Variants in TRIOBP observed in about 807,000 individuals in gnomAD.
TRIOBP encodes the protein TRIO and F-actin-binding protein.
A neutral mutation model predicts 238.8 loss-of-function variants in TRIOBP; 169 were observed. That is an observed-to-expected ratio of 0.71 (90% confidence interval 0.62 to 0.80). The LOEUF is 0.80. TRIOBP is among the 30% of genes least tolerant of loss of function. The pLI, the probability that TRIOBP is intolerant of heterozygous loss-of-function variation, is 0.00. For missense variants in TRIOBP, 2,838 were observed against 3,122.6 expected (o/e 0.91, Z 2.17); for synonymous variants, 1,150 against 1,274.4 (o/e 0.90, Z 2.08).
At chr22:37,702,400 C>T (rs1026959140) in intron 3 of TRIOBP, among the ~76,000 whole-genome samples, 5 of 151,718 alleles carry the variant, frequency 3.3e-5, no homozygotes, top group African/African-American at 1.2e-4. Context: ...AACGGGGTTT[C>T]GCCATATTGG....
In TRIOBP at chr22:37,723,815, C is replaced by G. The variant is rs771733479; in HGVS notation, c.1259C>G (p.Pro420Arg). 5.0e-6 allele frequency: 8 copies of G among 1,598,672 alleles called. No homozygotes were observed. Among genetic ancestry groups the G allele is most frequent in the Non-Finnish European group, 6.8e-6 (8 of 1,169,686 alleles). The change falls in exon 7 of 24, where the codon CCC becomes CGC. Residue 420 changes from proline to arginine, a missense_variant. Pro to Arg is a moderately radical substitution (Grantham distance 103, BLOSUM62 -2). Coordinates refer to ENST00000644935, the MANE Select transcript of TRIOBP (RefSeq NM_001039141.3). ...DNPKASRTSS[P>R]NRATRDNPRT... is the part of the protein sequence containing the mutation. The stretch of plus-strand genomic sequence containing the variant: ...CCCAAAGCCTCCAGAACCTCCTCTC[C>G]CAATAGAGCCACACGAGACAACCCC...
chr22:37,759,417 C>G, intron 17 of TRIOBP, 153 bp downstream of exon 17: 1 of 1,297,632 alleles, frequency 7.7e-7, no homozygotes, highest in Non-Finnish European at 1.1e-6. Context: ...CTCCCCACAG[C>G]TGGTGGGCGT....
At chr22:37,697,312 G>A (rs1922399384) in intron 1 of TRIOBP, among the ~76,000 whole-genome samples, 1 of 152,178 alleles carries the variant, frequency 6.6e-6, no homozygotes, top group Non-Finnish European at 1.5e-5. Context: ...GGGTAGGGGA[G>A]GAAACGGGAG....
chr22:37,734,594 C>A lies in TRIOBP; in HGVS notation c.4258C>A (p.Pro1420Thr). ...ACCTCTGGAGAGTGGCCAAGCAGGC[C>A]CAAGACAGCCTCTGGGGGTGTGGCA... ...QRPLESGQAG[P>T]RQPLGVWQSQ... Residue 1420 changes from proline (P) to threonine (T), a missense_variant, in exon 9 of 24, where the codon CCA becomes ACA. Transcript: ENST00000644935. The A allele has an allele frequency of 6.3e-7, 1 of 1,580,494 alleles. No individual in the cohort carries two copies. The highest frequency in any genetic ancestry group is 2.3e-5 in the East Asian group (1 of 43,268).
intron 11 of TRIOBP, chr22:37,750,588 G>C (rs1601652572): frequency 2.1e-6 from 1 of 467,350 alleles, no homozygotes; most frequent in East Asian, 7.0e-5. Context: ...CGGGACAAAC[G>C]CAGCCCCAGG....
intron 22 of TRIOBP, 116 bp downstream of exon 22, chr22:37,771,852 T>G: frequency 1.1e-6 from 1 of 897,874 alleles, no homozygotes; most frequent in Non-Finnish European, 1.8e-6. Context: ...CCTCAGGCTC[T>G]CCTGTGCTTC....
At chr22:37,743,927 A>G (rs1402461571) in intron 11 of TRIOBP, among the ~76,000 whole-genome samples, 3 of 150,872 alleles carry the variant, frequency 2.0e-5, no homozygotes, top group African/African-American at 7.3e-5. Flanking sequence ...TGTTCCAGGC[A>G]CAGCAGAGAA....
intron 11 of TRIOBP, among the ~76,000 whole-genome samples, chr22:37,748,955 A>G (rs1471060661): frequency 6.6e-6 from 1 of 152,116 alleles, no homozygotes; most frequent in Non-Finnish European, 1.5e-5. Context: ...TCGGCAAGGA[A>G]TATGCAGTGG....
intron 11 of TRIOBP, among the ~76,000 whole-genome samples, chr22:37,747,281 A>G (rs1289894291): frequency 1.3e-5 from 2 of 152,144 alleles, no homozygotes; most frequent in Non-Finnish European, 2.9e-5. Context: ...CTTCTGGCCC[A>G]CTGACCGTGA....
At chr22:37,722,196 G>C (rs1923864080) in intron 6 of TRIOBP, among the ~76,000 whole-genome samples, 1 of 52,810 alleles carries the variant, frequency 1.9e-5, no homozygotes, top group Non-Finnish European at 7.4e-5. Context: ...AGGAACATTT[G>C]GATACAAAAA....
At position 37,704,394 on chromosome 22, in the gene TRIOBP, GAACAGAACAGAACAGAACAGAACAGAA is replaced by G. The variant is rs1922818394; in HGVS notation, c.114+2916_114+2942del. On this transcript the variant is annotated intron_variant, in intron 3 of 23. Coordinates refer to ENST00000644935, the MANE Select transcript of TRIOBP (RefSeq NM_001039141.3). ...TTGGACCCTGACTCAGAACAGAACA[GAACAGAACAGAACAGAACAGAACAGAA>G]CAGAACAGAACAGAACAGTACAGAA... is the stretch of plus-strand genomic sequence containing the variant. 4.3e-4 allele frequency among the ~76,000 whole-genome samples: 6 copies of G among 14,046 alleles called. No individual in the cohort carries two copies. In the Admixed American group the frequency reaches 4.6e-3, roughly 11 times the overall value. 9.2% of individuals were successfully genotyped at this position (14,046 alleles called of 152,430 possible).
At chr22:37,757,028 C>T (rs1402035607) in intron 15 of TRIOBP, among the ~76,000 whole-genome samples, 1 of 152,152 alleles carries the variant, frequency 6.6e-6, no homozygotes, top group East Asian at 1.9e-4. Context: ...CTGTGAGAGG[C>T]GTCGCTGTCC....
chr22:37,763,910 G>A (rs1926361336), intron 17 of TRIOBP, among the ~76,000 whole-genome samples: 1 of 152,174 alleles, frequency 6.6e-6, no homozygotes, highest in African/African-American at 2.4e-5. Flanking sequence ...TGTATCCCTT[G>A]CCTGCTCCAG....
Position 37,757,813 on chromosome 22 carries a change from C to T in TRIOBP, c.5888C>T (p.Ala1963Val), listed in dbSNP as rs1365771404. The change falls in exon 16 of 24, where the codon GCC becomes GTC. Residue 1963 changes from alanine to valine, a missense_variant. Physicochemically the swap from Ala to Val is moderately conservative, Grantham distance 64. Around this residue, in one of 5 missense-constraint regions of TRIOBP, gnomAD observed 2,096 missense variants for 2,137.4 expected, o/e 0.98. Coordinates refer to ENST00000644935, the MANE Select transcript of TRIOBP (RefSeq NM_001039141.3). ...QASPQRARTP[A>V]RTPDRLAKQE... The stretch of plus-strand genomic sequence containing the variant: ...TCCCCGCAGCGGGCCCGCACCCCAG[C>T]CCGCACTCCTGACCGCCTGGCCAAG... 6.5e-7 allele frequency: 1 copy of T among 1,547,956 alleles called. No homozygotes were observed. The highest frequency in any genetic ancestry group is 2.0e-5 in the Admixed American group (1 of 50,972).
chr22:37,697,392 C>G (rs1430899945), intron 1 of TRIOBP, among the ~76,000 whole-genome samples, 196 bp from the exon 2 acceptor site: 1 of 152,084 alleles, frequency 6.6e-6, no homozygotes. Flanking sequence ...TCCTGCTAGG[C>G]GACGCTCCTT....
chr22:37,724,692 C>T lies in TRIOBP; in HGVS notation c.2136C>T (p.Asn712=), dbSNP rs1439359014. The T allele has an allele frequency of 1.2e-6, 2 of 1,610,714 alleles. No individual in the cohort carries two copies. Among genetic ancestry groups the T allele is most frequent in the East Asian group, 2.2e-5 (1 of 44,752 alleles). The change falls in exon 7 of 24, where the codon AAC becomes AAT. Residue 712 remains asparagine, a synonymous_variant. Coordinates refer to ENST00000644935, the MANE Select transcript of TRIOBP (RefSeq NM_001039141.3). ...QRDDPRASSP[N]RTTQQENPRT... is the part of the protein sequence containing the mutation. Reference sequence around the variant, plus strand: ...ACGATCCCAGAGCCTCCTCTCCTAACAGAACCACCCAACAAGAGAACCCCA... The same window carrying T: ...ACGATCCCAGAGCCTCCTCTCCTAATAGAACCACCCAACAAGAGAACCCCA...
intron 11 of TRIOBP, chr22:37,746,446 GC>G: frequency 7.0e-7 from 1 of 1,421,810 alleles, no homozygotes; most frequent in Non-Finnish European, 9.3e-7. Context: ...AGCCGCCCGC[GC>G]CCGAGGCCGG....
chr22:37,697,378 G>T (rs762200525), intron 1 of TRIOBP, among the ~76,000 whole-genome samples: 1 of 152,152 alleles, frequency 6.6e-6, no homozygotes, highest in Non-Finnish European at 1.5e-5. Flanking sequence ...AATGAGCGGC[G>T]TTCTCCTGCT....
intron 7 of TRIOBP, among the ~76,000 whole-genome samples, chr22:37,732,509 CAAAAAAAA>C (rs36003951): frequency 2.0e-5 from 2 of 99,862 alleles, no homozygotes; most frequent in East Asian, 3.0e-4. Flanking sequence ...GACTCCATCT[CAAAAAAAA>C]AAAAAAAAAA....
Sources: gnomAD v4.1 joint callset for allele counts (sites outside exome capture counted in the v4.1 genomes callset) on GRCh38, gnomAD v4.1.1 for gene constraint, gnomAD v4.1.1 regional missense constraint, MANE v1.5 for transcripts, NCBI Gene and HGNC (gene_info 2026-07-23, HGNC 2026-07-21) for gene names.